KATNAL2: variants seen among roughly 807,000 people sequenced by gnomAD.
KATNAL2 encodes katanin catalytic subunit A1 like 2, also known as katanin p60 ATPase-containing subunit A-like 2.
Under a neutral mutation model 76.3 loss-of-function variants are expected in KATNAL2, and 52 were observed. That is an observed-to-expected ratio of 0.68 (90% CI 0.55 to 0.86). The LOEUF (loss-of-function observed/expected upper bound fraction) is 0.86. Among genes scored for constraint, KATNAL2 ranks in the 40% least tolerant of loss-of-function variants. KATNAL2 has a pLI of 0.00. For synonymous variants in KATNAL2, 243 were observed against 244.2 expected, an observed-to-expected ratio of 1.00 and a Z score of 0.05; for missense variants, 660 against 668.9, an observed-to-expected ratio of 0.99 and a Z score of 0.15.
chr18:46,917,601 C>A, upstream of KATNAL2: 2 of 1,015,352 alleles, frequency 2.0e-6, no homozygotes, highest in Non-Finnish European at 2.4e-6. Flanking sequence ...CCCGCGCCTT[C>A]AGTCCGCGCG....
intron 15 of KATNAL2, among the ~76,000 whole-genome samples, chr18:47,081,549 CAT>C (rs544468618): frequency 2.2e-4 from 34 of 152,212 alleles, no homozygotes; most frequent in Non-Finnish European, 4.1e-4. Flanking sequence ...CCAAAAGCCA[CAT>C]GTGGCTGGTG....
chr18:47,033,006 T>C (rs528436521), intron 3 of KATNAL2: 13 of 1,614,098 alleles, frequency 8.1e-6, no homozygotes, highest in South Asian at 1.1e-5. Flanking sequence ...CCTGAGTTTA[T>C]CGTCGGGAGA....
At chr18:46,939,168 C>T (rs1002612143) in intron 1 of KATNAL2, among the ~76,000 whole-genome samples, 1 of 151,928 alleles carries the variant, frequency 6.6e-6, no homozygotes, top group Admixed American at 6.6e-5. Flanking sequence ...GGTGAAACCC[C>T]GTCTCTACTA....
chr18:47,046,867 C>T (rs914582319), intron 4 of KATNAL2, among the ~76,000 whole-genome samples: 1 of 152,154 alleles, frequency 6.6e-6, no homozygotes, highest in Non-Finnish European at 1.5e-5. Flanking sequence ...TGGTACCATA[C>T]AAAATCATTT....
chr18:47,063,792 G>C (rs1599722940), intron 10 of KATNAL2, among the ~76,000 whole-genome samples: 1 of 152,150 alleles, frequency 6.6e-6, no homozygotes, highest in East Asian at 1.9e-4. Context: ...CAATTAGCAG[G>C]AAAGACTACC....
At chr18:47,058,900 G>T (rs1339271994) in intron 7 of KATNAL2, among the ~76,000 whole-genome samples, 1 of 152,144 alleles carries the variant, frequency 6.6e-6, no homozygotes, top group Non-Finnish European at 1.5e-5. Flanking sequence ...AGCAAGGAGA[G>T]AATCCAGCAG....
At chr18:47,033,894 A>T (rs781554385) in intron 3 of KATNAL2, 1 of 1,613,416 alleles carries the variant, frequency 6.2e-7, no homozygotes, top group Non-Finnish European at 8.5e-7. Context: ...CTGAGAAGAC[A>T]TGGCTGGGCA....
intron 3 of KATNAL2, among the ~76,000 whole-genome samples, chr18:46,952,017 C>A (rs1345041485): frequency 6.6e-6 from 1 of 152,200 alleles, no homozygotes; most frequent in East Asian, 1.9e-4. Context: ...AAGTGCTCCA[C>A]CTGCCTTGAC....
chr18:46,920,030 A>G (rs1286725946), intron 1 of KATNAL2: 8 of 1,285,318 alleles, frequency 6.2e-6, no homozygotes, highest in Non-Finnish European at 8.1e-6. Context: ...ACAGTAAGAA[A>G]AGAAAAGCAA....
chr18:47,047,022 A>C (rs1393346064), intron 4 of KATNAL2, among the ~76,000 whole-genome samples: 1 of 151,802 alleles, frequency 6.6e-6, no homozygotes, highest in African/African-American at 2.4e-5. Context: ...ACCTCTAACC[A>C]CATCCCCCTG....
intron 3 of KATNAL2, among the ~76,000 whole-genome samples, chr18:47,041,316 G>A (rs776134606): frequency 3.3e-5 from 5 of 152,154 alleles, no homozygotes; most frequent in Non-Finnish European, 5.9e-5. Flanking sequence ...CTATCATATA[G>A]AATGGTTTCG....
chr18:47,076,779 TAATA>T (rs2062246890), intron 14 of KATNAL2, among the ~76,000 whole-genome samples: 1 of 145,134 alleles, frequency 6.9e-6, no homozygotes, highest in African/African-American at 2.5e-5. Flanking sequence ...ATTATGCTTA[TAATA>T]TATAATAAAT....
At chr18:47,079,359 C>T (rs2062398728) in intron 15 of KATNAL2, among the ~76,000 whole-genome samples, 2 of 152,040 alleles carry the variant, frequency 1.3e-5, no homozygotes, top group South Asian at 4.1e-4. Context: ...ATTGGTCATT[C>T]CCTTAAGTCT....
At chr18:46,918,630 C>G (rs1032435577) in intron 1 of KATNAL2, among the ~76,000 whole-genome samples, 5 of 152,164 alleles carry the variant, frequency 3.3e-5, no homozygotes, top group Non-Finnish European at 5.9e-5. Flanking sequence ...CCAAGTTGGT[C>G]AGGCTGGTCT....
intron 14 of KATNAL2, 22 bp downstream of exon 14, chr18:47,075,390 TTTG>T (rs747280121): frequency 1.3e-4 from 185 of 1,450,004 alleles, no homozygotes; most frequent in Admixed American, 3.4e-4. Context: ...GGTTGGGGTT[TTTG>T]TTGTTGTTGT....
intron 10 of KATNAL2, among the ~76,000 whole-genome samples, chr18:47,063,969 T>C (rs2061711771): frequency 6.6e-6 from 1 of 152,206 alleles, no homozygotes; most frequent in Non-Finnish European, 1.5e-5. Context: ...TTATAGGGTA[T>C]TTTTCTAATT....
At chr18:47,100,145 C>G (rs2063404513) in intron 16 of KATNAL2, 109 bp from the exon 17 acceptor site, 2 of 708,922 alleles carry the variant, frequency 2.8e-6, no homozygotes, top group Non-Finnish European at 5.0e-6. Flanking sequence ...TCATGGGTGA[C>G]AGATACAGAA....
At chr18:47,071,191 G>T (rs551128977) in intron 13 of KATNAL2, among the ~76,000 whole-genome samples, 70 of 152,248 alleles carry the variant, frequency 4.6e-4, no homozygotes, top group Non-Finnish European at 7.8e-4. Flanking sequence ...GTAGAAACCA[G>T]GTTTCACCAT....
rs1569110411 is a variant in KATNAL2, at chr18:47,069,579, GGA to G, written c.988_989del (p.Asp330PhefsTer10). 6.2e-7 allele frequency: 1 copy of G among 1,612,562 alleles called. No homozygotes were observed. Among genetic ancestry groups the G allele is most frequent in the Admixed American group, 1.7e-5 (1 of 59,806 alleles). On this transcript the variant is annotated frameshift_variant, in exon 13 of 18. Transcript: ENST00000683218. LOFTEE classifies it high-confidence loss of function. Reference sequence around the variant, plus strand: ...CCACCATTGTCAGCAAATGGAGAGGGGATTCAGAAAAACTCGTTCGGGTAGGA... The same window carrying G: ...CCACCATTGTCAGCAAATGGAGAGGGTTCAGAAAAACTCGTTCGGGTAGGA... ...ASTIVSKWRG[D>X]SEKLVRVLFE...
Sources: gnomAD v4.1 joint callset for allele counts (sites outside exome capture counted in the v4.1 genomes callset) on GRCh38, gnomAD v4.1.1 for gene constraint, MANE v1.5 for transcripts, NCBI Gene and HGNC (gene_info 2026-07-23, HGNC 2026-07-21) for gene names.